ZNF124: variants seen among roughly 807,000 people sequenced by gnomAD.
ZNF124 encodes the protein zinc finger protein 124.
In ZNF124, 25 loss-of-function variants were observed where a neutral mutation model predicts 26.6. That is an observed-to-expected ratio of 0.94 (90% CI 0.68 to 1.31). The LOEUF (loss-of-function observed/expected upper bound fraction) is 1.31, where lower values mean the gene tolerates loss of function less well. Among genes scored for constraint, ZNF124 ranks in the 40% most tolerant of loss-of-function variants. ZNF124 has a pLI of 0.00. For missense variants in ZNF124, 444 were observed against 422.2 expected (o/e 1.05, Z -0.45); for synonymous variants, 129 against 133.3 (o/e 0.97, Z 0.22).
chr1:247,126,021 T>A (rs1672210321), intron 3 of ZNF124, among the ~76,000 whole-genome samples: 1 of 142,672 alleles, frequency 7.0e-6, no homozygotes. Context: ...TCCAGCACTT[T>A]GGGAGGCTGA....
intron 3 of ZNF124, among the ~76,000 whole-genome samples, chr1:247,146,088 G>A (rs754466507): frequency 6.6e-6 from 1 of 152,168 alleles, no homozygotes; most frequent in Non-Finnish European, 1.5e-5. Context: ...ACCATTGAGT[G>A]GTGTGACCAC....
chr1:247,151,538 G>A (rs2103113559), downstream of ZNF124, among the ~76,000 whole-genome samples: 1 of 150,868 alleles, frequency 6.6e-6, no homozygotes, highest in African/African-American at 2.4e-5. Context: ...AAATTCACAC[G>A]TTACTTGTTG....
chr1:247,159,946 C>A, intron 1 of ZNF124, 133 bp from the exon 2 acceptor site: 1 of 787,678 alleles, frequency 1.3e-6, no homozygotes. Context: ...AACTATGACT[C>A]TGTCTACACT....
intron 1 of ZNF124, among the ~76,000 whole-genome samples, chr1:247,166,978 TTCAATATATGAAAAATCAATCAG>T (rs1305757910): frequency 6.6e-6 from 1 of 152,258 alleles, no homozygotes; most frequent in Non-Finnish European, 1.5e-5. Flanking sequence ...AATAAAATGG[TTCAATATATGAAAAATCAATCAG>T]TGTAATGTAT....
intron 3 of ZNF124, among the ~76,000 whole-genome samples, chr1:247,132,023 C>T (rs1176159756): frequency 6.6e-6 from 1 of 152,190 alleles, no homozygotes; most frequent in Non-Finnish European, 1.5e-5. Flanking sequence ...AGTGATGCTA[C>T]TGGCATCCGG....
chr1:247,154,363 C>A (rs551681704), downstream of ZNF124, among the ~76,000 whole-genome samples: 29 of 152,218 alleles, frequency 1.9e-4, no homozygotes, highest in African/African-American at 6.7e-4. Flanking sequence ...GTGAAGATGC[C>A]TTGCTTCCCC....
At chr1:247,151,217 C>T (rs1029502852), downstream of ZNF124, among the ~76,000 whole-genome samples, 1 of 151,876 alleles carries the variant, frequency 6.6e-6, no homozygotes, top group Non-Finnish European at 1.5e-5. Context: ...CGGTGGCTCA[C>T]GCCTGTAATC....
At chr1:247,147,643 C>T (rs1672820055) in intron 3 of ZNF124, among the ~76,000 whole-genome samples, 1 of 152,158 alleles carries the variant, frequency 6.6e-6, no homozygotes, top group Admixed American at 6.5e-5. Context: ...GCTAACAGCT[C>T]ATGCAGGGTG....
chr1:247,148,846 T>C (rs1233655702), intron 3 of ZNF124, among the ~76,000 whole-genome samples: 1 of 151,934 alleles, frequency 6.6e-6, no homozygotes, highest in Non-Finnish European at 1.5e-5. Context: ...GGCGGGTACC[T>C]GTAGGCCCAG....
At chr1:247,133,072 C>G (rs1558372356) in intron 3 of ZNF124, among the ~76,000 whole-genome samples, 3 of 152,120 alleles carry the variant, frequency 2.0e-5, no homozygotes, top group South Asian at 4.2e-4. Context: ...CCTGGTGGAC[C>G]TGAAAAACAC....
At position 247,156,272 on chromosome 1, in the gene ZNF124, G is replaced by T. The variant is rs1673125400; in HGVS notation, c.*294C>A. On this transcript the variant is annotated 3_prime_UTR_variant, in exon 4 of 4. Transcript: ENST00000543802. ...GATACCTTCATAAAGTTTTTCTCTA[G>T]AATGAGTTATGTTATACCATCAAAT... 1.8e-6 allele frequency: 2 copies of T among 1,091,194 alleles called. No homozygotes were observed. The highest frequency in any genetic ancestry group is 2.2e-6 in the Non-Finnish European group (2 of 900,228). 67.6% of individuals were successfully genotyped at this position (1,091,194 alleles called of 1,614,324 possible). A position where few individuals can be genotyped will look rare whatever the true frequency, so the allele number is the denominator to read the frequency against.
chr1:247,167,645 AACATTGGCTTGG>A (rs535391200), intron 1 of ZNF124, among the ~76,000 whole-genome samples: 150 of 152,306 alleles, frequency 9.8e-4, no homozygotes, highest in African/African-American at 3.5e-3. Context: ...AACTCTTCTA[AACATTGGCTTGG>A]GCAAAGAACT....
At chr1:247,147,120 A>T (rs950890876) in intron 3 of ZNF124, among the ~76,000 whole-genome samples, 1 of 149,352 alleles carries the variant, frequency 6.7e-6, no homozygotes, top group Non-Finnish European at 1.5e-5. Context: ...ATTTCAGCTA[A>T]TTACTTTTAT....
downstream of ZNF124, among the ~76,000 whole-genome samples, chr1:247,150,573 G>C (rs1382840777): frequency 6.6e-6 from 1 of 151,320 alleles, no homozygotes; most frequent in African/African-American, 2.4e-5. Flanking sequence ...TATACATCCT[G>C]ATTAAAAAAA....
chr1:247,124,409 G>T (rs1375122615), intron 3 of ZNF124, among the ~76,000 whole-genome samples: 1 of 151,454 alleles, frequency 6.6e-6, no homozygotes, highest in African/African-American at 2.4e-5. Context: ...CACCATGTTG[G>T]CCAGGATGGT....
At chr1:247,157,636 C>T in intron 3 of ZNF124, 1 of 575,786 alleles carries the variant, frequency 1.7e-6, no homozygotes. Context: ...TGAACTTACA[C>T]TGCTACCAAT....
At chr1:247,138,876 CGTTCTACTCAAA>C in intron 3 of ZNF124, 1 of 395,550 alleles carries the variant, frequency 2.5e-6, no homozygotes, top group Non-Finnish European at 4.5e-6. Flanking sequence ...ACCTGCCTTC[CGTTCTACTCAAA>C]GTTAACCCTC....
chr1:247,137,674 C>A (rs1366273148), intron 3 of ZNF124, among the ~76,000 whole-genome samples: 1 of 151,836 alleles, frequency 6.6e-6, no homozygotes, highest in African/African-American at 2.4e-5. Flanking sequence ...GAACAGGCAA[C>A]CTACAAAATG....
At chr1:247,128,862 CATTGAGT>C (rs1672281047) in intron 3 of ZNF124, among the ~76,000 whole-genome samples, 2 of 144,730 alleles carry the variant, frequency 1.4e-5, no homozygotes, top group Non-Finnish European at 3.1e-5. Context: ...GGAGGGTGGG[CATTGAGT>C]ACTTCCCCCA....
Sources: allele counts gnomAD v4.1 joint callset (sites outside exome capture counted in the v4.1 genomes callset), GRCh38; gene constraint gnomAD v4.1.1; transcripts MANE v1.5; gene names NCBI Gene and HGNC (gene_info 2026-07-23, HGNC 2026-07-21).